The following GYPC variants were observed in gnomAD, a reference collection of about 807,000 sequenced individuals.
The protein encoded by GYPC is glycophorin-C.
GYPC carries 14 observed loss-of-function variants against 12.6 expected under a neutral mutation model. The observed-to-expected ratio is 1.11, with a 90% CI of 0.74 to 1.74. The LOEUF (loss-of-function observed/expected upper bound fraction) is 1.74. Ranked by LOEUF, GYPC falls within the 40% of genes most tolerant of loss-of-function variation. The probability of loss-of-function intolerance (pLI) is 0.00; values close to 1 mark genes in which losing one functional copy is unlikely to be tolerated. For missense variants in GYPC, 225 were observed against 172.1 expected, an observed-to-expected ratio of 1.31 and a Z score of -1.72; for synonymous variants, 78 against 62.1, an observed-to-expected ratio of 1.26 and a Z score of -1.20.
At position 126,682,322 on chromosome 2, in the gene GYPC, G is replaced by T. The variant is rs752157541; in HGVS notation, c.50-7933G>T. Among the ~76,000 whole-genome samples the T allele has an allele frequency of 9.8e-4, 149 of 152,172 alleles. 1 individual carries two copies. Among genetic ancestry groups the T allele is most frequent in the Non-Finnish European group, 1.8e-3 (124 of 68,020 alleles). On this transcript the variant is annotated intron_variant, in intron 1 of 3. Coordinates refer to ENST00000259254, the MANE Select transcript of GYPC (RefSeq NM_002101.5). ...ACATGCTTAATTTCCCAACAACAAG[G>T]CCAAGGAGACTGCAGTCTCAGGAGC... is the stretch of plus-strand genomic sequence containing the variant.
chr2:126,688,688 C>T (rs898137065), intron 1 of GYPC, among the ~76,000 whole-genome samples: 1 of 152,096 alleles, frequency 6.6e-6, no homozygotes, highest in African/African-American at 2.4e-5. Flanking sequence ...TCCTTGGTGG[C>T]CCCAGACACC....
At chr2:126,656,398 C>T in intron 1 of GYPC, 86 bp downstream of exon 1, 1 of 1,203,632 alleles carries the variant, frequency 8.3e-7, no homozygotes, top group Non-Finnish European at 1.2e-6. Flanking sequence ...CGGCCACGGA[C>T]GCCCTGGTGT....
At chr2:126,670,756 G>C (rs7598112) in intron 1 of GYPC, among the ~76,000 whole-genome samples, 13,659 of 152,114 alleles carry the variant, frequency 0.09, 673 homozygotes, top group Middle Eastern at 0.17. Flanking sequence ...CAGAGACAGG[G>C]AGACTTCAAC....
chr2:126,689,593 C>T (rs1174431585), intron 1 of GYPC, among the ~76,000 whole-genome samples: 4 of 150,688 alleles, frequency 2.7e-5, no homozygotes, highest in Non-Finnish European at 5.9e-5. Flanking sequence ...TTCTAGCTGT[C>T]GTGAGACTGG....
intron 1 of GYPC, among the ~76,000 whole-genome samples, chr2:126,663,998 CT>C: frequency 8.3e-6 from 1 of 120,702 alleles, no homozygotes; most frequent in Admixed American, 8.8e-5. Context: ...CTCTCTCTCT[CT>C]CTGGAGAAAG....
In GYPC at chr2:126,696,536, G is replaced by T; in HGVS notation, c.*394G>T. ...CAAGGAAATAAGTCATCTGTATGCT[G>T]ACTGGGGATAATGGCATCAAATGTC... On this transcript the variant is annotated 3_prime_UTR_variant, in exon 4 of 4. Transcript: ENST00000259254. 3.1e-6 allele frequency: 1 copy of T among 319,270 alleles called. No homozygotes were observed. The highest frequency in any genetic ancestry group is 6.1e-6 in the Non-Finnish European group (1 of 162,968). The allele number at this position is 319,270 out of a possible 1,614,324, so 19.8% of individuals were successfully genotyped here. A position where few individuals can be genotyped will look rare whatever the true frequency, so the allele number is the denominator to read the frequency against.
intron 3 of GYPC, 78 bp from the exon 4 acceptor site, chr2:126,695,868 C>T (rs1020066273): frequency 1.8e-6 from 2 of 1,083,338 alleles, no homozygotes; most frequent in African/African-American, 1.5e-5. Context: ...CTCACACAAC[C>T]CCTGTGGGTC....
At chr2:126,676,109 T>C (rs1214433356) in intron 1 of GYPC, among the ~76,000 whole-genome samples, 1 of 152,244 alleles carries the variant, frequency 6.6e-6, no homozygotes, top group Non-Finnish European at 1.5e-5. Context: ...AAGAAACAGA[T>C]CCACCCCTGT....
intron 1 of GYPC, among the ~76,000 whole-genome samples, chr2:126,661,443 TTC>T (rs202176736): frequency 6.6e-6 from 1 of 150,904 alleles, no homozygotes; most frequent in Non-Finnish European, 1.5e-5. Context: ...CAGATGCCCC[TTC>T]TCTCTCTCTC....
At chr2:126,685,950 C>G in intron 1 of GYPC, 1 of 985,216 alleles carries the variant, frequency 1.0e-6, no homozygotes, top group Non-Finnish European at 1.2e-6. Context: ...CTCTCAACTC[C>G]CCTCCTTCGA....
chr2:126,682,872 G>A (rs1683187445), intron 1 of GYPC, among the ~76,000 whole-genome samples: 1 of 152,272 alleles, frequency 6.6e-6, no homozygotes, highest in South Asian at 2.1e-4. Flanking sequence ...GAGCTTCCCA[G>A]ACGTAAGAGC....
At chr2:126,694,396 C>G (rs368978454) in intron 3 of GYPC, among the ~76,000 whole-genome samples, 14 of 152,134 alleles carry the variant, frequency 9.2e-5, no homozygotes, top group African/African-American at 2.9e-4. Context: ...GGGCAAGGGG[C>G]TCCCCATGGG....
At chr2:126,671,425 C>T (rs1043049871) in intron 1 of GYPC, among the ~76,000 whole-genome samples, 10 of 152,246 alleles carry the variant, frequency 6.6e-5, no homozygotes, top group African/African-American at 1.9e-4. Flanking sequence ...ATCACAGGCA[C>T]GAGCACAGGG....
chr2:126,670,075 C>T (rs753250154), intron 1 of GYPC, among the ~76,000 whole-genome samples: 4 of 152,188 alleles, frequency 2.6e-5, no homozygotes, highest in African/African-American at 4.8e-5. Flanking sequence ...TTCTCAAAGA[C>T]GGTTCTCCTT....
chr2:126,675,463 C>T (rs146403476), intron 1 of GYPC, among the ~76,000 whole-genome samples: 25 of 152,258 alleles, frequency 1.6e-4, no homozygotes, highest in Non-Finnish European at 2.6e-4. Flanking sequence ...ATTCTCAGAC[C>T]GCCAGCCTCT....
In GYPC at chr2:126,696,356, G is replaced by A. The variant is rs1295042084; in HGVS notation, c.*214G>A. ...GCCACTCCCAGGGACCCAGGGAGGCGATGGCCACCCCAGAGGCCACCTTTT... is the reference window on the plus strand; with the variant it reads ...GCCACTCCCAGGGACCCAGGGAGGCAATGGCCACCCCAGAGGCCACCTTTT... On this transcript the variant is annotated 3_prime_UTR_variant, in exon 4 of 4. Coordinates refer to ENST00000259254, the MANE Select transcript of GYPC (RefSeq NM_002101.5). 12 of 568,426 alleles carry A rather than the reference G, an allele frequency of 2.1e-5. No homozygotes were observed. Among genetic ancestry groups the A allele is most frequent in the East Asian group, 9.4e-5 (3 of 31,830 alleles). The allele number at this position is 568,426 out of a possible 1,614,324, so 35.2% of individuals were successfully genotyped here.
intron 1 of GYPC, among the ~76,000 whole-genome samples, chr2:126,659,564 A>G (rs995816294): frequency 6.6e-6 from 1 of 152,212 alleles, no homozygotes; most frequent in African/African-American, 2.4e-5. Context: ...TCCCAGTGGC[A>G]GAGGCTTGGG....
intron 1 of GYPC, among the ~76,000 whole-genome samples, chr2:126,665,331 T>C (rs567254665): frequency 1.3e-5 from 2 of 152,220 alleles, no homozygotes; most frequent in Non-Finnish European, 1.5e-5. Flanking sequence ...TTATTCATTG[T>C]TGTTAATATC....
chr2:126,680,668 G>C (rs753330051), intron 1 of GYPC, among the ~76,000 whole-genome samples: 4 of 152,202 alleles, frequency 2.6e-5, no homozygotes, highest in Non-Finnish European at 5.9e-5. Flanking sequence ...AAGCCACAGC[G>C]CACATTTCTC....
Sources: allele counts gnomAD v4.1 joint callset (sites outside exome capture counted in the v4.1 genomes callset), GRCh38; gene constraint gnomAD v4.1.1; transcripts MANE v1.5; gene names NCBI Gene and HGNC (gene_info 2026-07-23, HGNC 2026-07-21).